The following LINGO2 variants were observed in gnomAD, a reference collection of about 807,000 sequenced individuals.
LINGO2 encodes the protein leucine rich repeat and Ig domain containing 2.
LINGO2 carries 14 observed loss-of-function variants against 30.6 expected under a neutral mutation model. That is an observed-to-expected ratio of 0.46 (90% CI 0.30 to 0.72). LINGO2 has a LOEUF of 0.72. LINGO2 is among the 30% of genes least tolerant of loss of function. The pLI, the probability that LINGO2 is intolerant of heterozygous loss-of-function variation, is 0.07. For missense variants in LINGO2, 729 were observed against 751.7 expected (o/e 0.97, Z 0.35); for synonymous variants, 317 against 288.5 (o/e 1.10, Z -1.00).
At chr9:28,358,991 G>C (rs1414574254) in intron 3 of LINGO2, among the ~76,000 whole-genome samples, 1 of 152,090 alleles carries the variant, frequency 6.6e-6, no homozygotes, top group Non-Finnish European at 1.5e-5. Context: ...ATTCCAGATT[G>C]TTTTGAGACA....
At chr9:28,861,446 A>G in the LINGO2 span, among the ~76,000 whole-genome samples, 1 of 146,790 alleles carries the variant, frequency 6.8e-6, no homozygotes, top group Non-Finnish European at 1.5e-5. Flanking sequence ...CTATTCTCAT[A>G]TAGTTCTCAC....
intron 1 of LINGO2, among the ~76,000 whole-genome samples, chr9:28,528,746 T>C (rs2135421810): frequency 6.6e-6 from 1 of 150,706 alleles, no homozygotes; most frequent in Non-Finnish European, 1.5e-5. Context: ...CCATCTACTA[T>C]TCTCTGCAGC....
the LINGO2 span, among the ~76,000 whole-genome samples, chr9:29,130,385 G>C: frequency 6.6e-6 from 1 of 152,070 alleles, no homozygotes; most frequent in South Asian, 2.1e-4. Flanking sequence ...GGTTGCTGAG[G>C]TTCTCAGAAT....
At chr9:27,939,448 C>G in the LINGO2 span, 2 of 152,204 alleles carry the variant, frequency 1.3e-5, no homozygotes, top group Non-Finnish European at 2.9e-5. Flanking sequence ...AAGCACAGAC[C>G]ACTGGATTCT....
At chr9:28,963,686 C>T in the LINGO2 span, among the ~76,000 whole-genome samples, 39 of 151,750 alleles carry the variant, frequency 2.6e-4, no homozygotes, top group Admixed American at 1.2e-3. Flanking sequence ...TGCAGAAAGA[C>T]AAATACCATA....
the LINGO2 span, among the ~76,000 whole-genome samples, chr9:28,943,254 T>C: frequency 6.6e-5 from 10 of 152,268 alleles, no homozygotes; most frequent in South Asian, 1.9e-3. Flanking sequence ...GACTCCATTA[T>C]GGAGCAGGAG....
chr9:28,397,808 A>G (rs560338105), intron 2 of LINGO2, among the ~76,000 whole-genome samples: 2 of 152,100 alleles, frequency 1.3e-5, no homozygotes, highest in African/African-American at 2.4e-5. Context: ...CAGCCTCCCA[A>G]CGTGCTGGGA....
At chr9:28,944,855 T>G in the LINGO2 span, among the ~76,000 whole-genome samples, 3 of 152,114 alleles carry the variant, frequency 2.0e-5, no homozygotes, top group Non-Finnish European at 4.4e-5. Flanking sequence ...GTTTTTTACC[T>G]GTGTGCAGAA....
At chr9:28,421,243 G>A (rs778316871) in intron 2 of LINGO2, among the ~76,000 whole-genome samples, 7 of 151,532 alleles carry the variant, frequency 4.6e-5, no homozygotes, top group Non-Finnish European at 1.0e-4. Context: ...TGAATGACTT[G>A]TAACTAAAAA....
the LINGO2 span, among the ~76,000 whole-genome samples, chr9:28,986,636 A>G: frequency 6.6e-6 from 1 of 151,968 alleles, no homozygotes; most frequent in Non-Finnish European, 1.5e-5. Context: ...TCGACATACA[A>G]TGGGGTTATG....
chr9:28,347,902 G>A (rs919041615), intron 3 of LINGO2, among the ~76,000 whole-genome samples: 1 of 152,148 alleles, frequency 6.6e-6, no homozygotes, highest in Non-Finnish European at 1.5e-5. Flanking sequence ...TTTCTACTAT[G>A]TTGTTACTGC....
In LINGO2 at chr9:28,088,885, G is replaced by T. The variant is rs535362128; in HGVS notation, c.-86-76480C>A. 4.0e-5 allele frequency among the ~76,000 whole-genome samples: 6 copies of T among 151,332 alleles called. No homozygotes were observed. In the East Asian group the frequency reaches 1.2e-3, roughly 29 times the overall value. ...ATGGAGGAAGATCTACCAAGCAAAT[G>T]GAAAACAAAAAAAGGAAGGGGTTCC... On this transcript the variant is annotated intron_variant, in intron 4 of 5. Transcript: ENST00000379992.
At chr9:28,948,967 T>C in the LINGO2 span, among the ~76,000 whole-genome samples, 1 of 151,988 alleles carries the variant, frequency 6.6e-6, no homozygotes, top group Non-Finnish European at 1.5e-5. Flanking sequence ...TTAAATAATA[T>C]TGACATCTCA....
chr9:28,109,713 C>T (rs144050380), intron 4 of LINGO2, among the ~76,000 whole-genome samples: 51 of 151,890 alleles, frequency 3.4e-4, no homozygotes, highest in Middle Eastern at 3.4e-3. Context: ...TCTTCAAGAA[C>T]TACAAACCTC....
intron 1 of LINGO2, among the ~76,000 whole-genome samples, chr9:28,593,854 T>C (rs1181065845): frequency 6.6e-6 from 1 of 152,064 alleles, no homozygotes; most frequent in African/African-American, 2.4e-5. Flanking sequence ...TTTAGTCAAA[T>C]GAAAAAGTTA....
At chr9:29,035,973 C>G in the LINGO2 span, among the ~76,000 whole-genome samples, 1 of 151,896 alleles carries the variant, frequency 6.6e-6, no homozygotes, top group African/African-American at 2.4e-5. Flanking sequence ...GAAGCTTTTG[C>G]GGAAACAATT....
intron 1 of LINGO2, among the ~76,000 whole-genome samples, chr9:28,632,224 A>T (rs1447232126): frequency 6.6e-6 from 1 of 152,136 alleles, no homozygotes; most frequent in Non-Finnish European, 1.5e-5. Flanking sequence ...AGAATCTATA[A>T]TGAAGACAGA....
At chr9:28,084,237 A>G (rs1449792633) in intron 4 of LINGO2, among the ~76,000 whole-genome samples, 24 of 152,164 alleles carry the variant, frequency 1.6e-4, no homozygotes, top group Admixed American at 1.6e-3. Flanking sequence ...TGTTGGTACT[A>G]AAATCATTCT....
intron 4 of LINGO2, among the ~76,000 whole-genome samples, chr9:28,043,237 T>G (rs78281792): frequency 4.6e-5 from 7 of 152,096 alleles, no homozygotes; most frequent in Non-Finnish European, 8.8e-5. Context: ...CTCAGACACA[T>G]GATAAAACTG....
Sources: allele counts gnomAD v4.1 joint callset (sites outside exome capture counted in the v4.1 genomes callset), GRCh38; gene constraint gnomAD v4.1.1; transcripts MANE v1.5; gene names NCBI Gene and HGNC (gene_info 2026-07-23, HGNC 2026-07-21).